Variants in ITGA3 observed in about 807,000 individuals in gnomAD.
ITGA3 encodes integrin subunit alpha 3.
In ITGA3, 70 loss-of-function variants were observed where a neutral mutation model predicts 131.1. The observed-to-expected ratio is 0.53, with a 90% confidence interval of 0.44 to 0.65. The LOEUF is 0.65. Ranked by LOEUF, ITGA3 falls within the 30% of genes least tolerant of loss-of-function variation. The pLI, the probability that ITGA3 is intolerant of heterozygous loss-of-function variation, is 0.00. For synonymous variants in ITGA3, 537 were observed against 571.6 expected, an observed-to-expected ratio of 0.94 and a Z score of 0.86; for missense variants, 1,098 against 1,388.6, an observed-to-expected ratio of 0.79 and a Z score of 3.33.
Position 50,071,317 on chromosome 17 carries a change from C to T in ITGA3, c.758C>T (p.Thr253Met), listed in dbSNP as rs1162392472. The T allele has an allele frequency of 6.8e-6, 11 of 1,613,772 alleles. No homozygotes were observed. The highest frequency in any genetic ancestry group is 1.7e-5 in the Admixed American group (1 of 60,024). ...EDQGNLYIGYTMQVGSFILHP... is the reference protein window; with the variant it reads ...EDQGNLYIGYMMQVGSFILHP... Reference sequence around the variant, plus strand: ...CATCTTCCCTCTATCCCAGGGTACACGATGCAGGTAGGCAGCTTCATCCTG... The same window carrying T: ...CATCTTCCCTCTATCCCAGGGTACATGATGCAGGTAGGCAGCTTCATCCTG... The change falls in exon 6 of 26, where the codon ACG becomes ATG. Residue 253 changes from threonine (T) to methionine (M), a missense_variant. Physicochemically the swap from Thr to Met is moderately conservative, Grantham distance 81. Coordinates refer to ENST00000320031, the MANE Select transcript of ITGA3 (RefSeq NM_002204.4).
At chr17:50,083,462 A>T (rs1262911817) in intron 23 of ITGA3, among the ~76,000 whole-genome samples, 1 of 152,132 alleles carries the variant, frequency 6.6e-6, no homozygotes, top group Non-Finnish European at 1.5e-5. Flanking sequence ...GGTGGCTCAC[A>T]CTTGTAATCC....
intron 15 of ITGA3, 40 bp from the exon 16 acceptor site, chr17:50,077,339 C>T: frequency 1.3e-6 from 2 of 1,580,290 alleles, no homozygotes; most frequent in Non-Finnish European, 1.7e-6. Flanking sequence ...ACAAGCCCTA[C>T]TTTGACCCGA....
At position 50,064,800 on chromosome 17, in the gene ITGA3, C is replaced by G; in HGVS notation, c.414+193C>G. On this transcript the variant is annotated intron_variant, in intron 3 of 25. Transcript: ENST00000320031. The surrounding 1 kb of genome is among the most constrained non-coding windows in gnomAD (Gnocchi z 4.4). Reference sequence around the variant, plus strand: ...GGGGAGGGGGTGAGTATCCTGTGCTCTCCCAAACCCCCGCACGGCCTGAGT... The same window carrying G: ...GGGGAGGGGGTGAGTATCCTGTGCTGTCCCAAACCCCCGCACGGCCTGAGT... The G allele has an allele frequency of 1.8e-6, 1 of 544,782 alleles. No homozygotes were observed. The highest frequency in any genetic ancestry group is 3.2e-6 in the Non-Finnish European group (1 of 308,116). The allele number at this position is 544,782 out of a possible 1,614,324, so 33.7% of individuals were successfully genotyped here.
Position 50,089,249 on chromosome 17 carries a change from G to C in ITGA3, c.*171G>C. 2 of 1,613,268 alleles carry C rather than the reference G, an allele frequency of 1.2e-6. No homozygotes were observed. Among genetic ancestry groups the C allele is most frequent in the Non-Finnish European group, 1.7e-6 (2 of 1,179,858 alleles). On this transcript the variant is annotated 3_prime_UTR_variant, in exon 26 of 26. Transcript: ENST00000320031. Reference sequence around the variant, plus strand: ...CACTGGGTGACCAGCTGGCAGACTCGGGACCAATACTACTGACGTCCTCCC... The same window carrying C: ...CACTGGGTGACCAGCTGGCAGACTCCGGACCAATACTACTGACGTCCTCCC...
chr17:50,081,275 A>G, intron 22 of ITGA3, 35 bp from the exon 23 acceptor site: 1 of 1,379,482 alleles, frequency 7.2e-7, no homozygotes, highest in Non-Finnish European at 1.0e-6. Flanking sequence ...AGAAGTGTCA[A>G]GTGTTCCCCT....
chr17:50,071,734 T>G, intron 6 of ITGA3: 1 of 618,160 alleles, frequency 1.6e-6, no homozygotes, highest in Non-Finnish European at 2.8e-6. Context: ...ATTTGTATGC[T>G]CCAGTGGATG....
rs924110909 is a variant in ITGA3 at position 50,064,291 on chromosome 17, G to C, written c.334+87G>C. The C allele has an allele frequency of 3.9e-5, 58 of 1,475,218 alleles. No individual in the cohort carries two copies. Among genetic ancestry groups the C allele is most frequent in the Non-Finnish European group, 4.7e-5 (51 of 1,088,792 alleles). 91.4% of individuals were successfully genotyped at this position (1,475,218 alleles called of 1,614,324 possible). A position where few individuals can be genotyped will look rare whatever the true frequency, so the allele number is the denominator to read the frequency against. ...GAGAATGGCCTGGAGGAGATAGAAG[G>C]CTTGTTCACACGGCTTCTAGTCGCT... is the stretch of plus-strand genomic sequence containing the variant. On this transcript the variant is annotated intron_variant, in intron 2 of 25. Transcript: ENST00000320031. The surrounding 1 kb of genome is among the most constrained non-coding windows in gnomAD (Gnocchi z 4.4).
chr17:50,070,866 C>T lies in ITGA3; in HGVS notation c.687C>T (p.Arg229=), dbSNP rs61730089. 3,304 of 1,612,014 alleles carry T rather than the reference C, an allele frequency of 2.0e-3. 76 individuals are homozygous for T. In the African/African-American group the frequency reaches 0.039, roughly 19 times the overall value. ...AAGGAAACAGCTACATGATTCAGCG[C>T]AAGGAGTGGGACTTATCTGAGTATA... The part of the protein sequence containing the change: ...NWKGNSYMIQ[R]KEWDLSEYSY... The change falls in exon 5 of 26, where the codon CGC becomes CGT. Residue 229 remains arginine (R), a synonymous_variant. Transcript: ENST00000320031.
At chr17:50,075,406 C>A in intron 10 of ITGA3, 53 bp from the exon 11 acceptor site, 2 of 1,575,658 alleles carry the variant, frequency 1.3e-6, no homozygotes, top group South Asian at 2.2e-5. Flanking sequence ...AGAGCTAGGG[C>A]CTGGACGTGT....
chr17:50,071,723 G>A (rs558385069), intron 6 of ITGA3: 7 of 624,434 alleles, frequency 1.1e-5, no homozygotes, highest in South Asian at 2.0e-5. Context: ...TTCTGCTTGG[G>A]ATTTGTATGC....
At chr17:50,085,844 GATTTATAATGTATATTAGATTATACATTA>G (rs1232760370) in intron 23 of ITGA3, among the ~76,000 whole-genome samples, 13 of 69,970 alleles carry the variant, frequency 1.9e-4, no homozygotes, top group African/African-American at 5.1e-4. Context: ...ATACATTATA[GATTTATAATGTATATTAGATTATACATTA>G]TAGATTTATA....
rs75975416 is a variant in ITGA3 at position 50,089,928 on chromosome 17, C to A, written c.*850C>A. 0.013 allele frequency: 2,563 copies of A among 203,012 alleles called. 79 individuals are homozygous for A. Among genetic ancestry groups the A allele is most frequent in the African/African-American group, 0.055 (2,405 of 43,384 alleles). 12.6% of individuals were successfully genotyped at this position (203,012 alleles called of 1,614,324 possible). A position where few individuals can be genotyped will look rare whatever the true frequency, so the allele number is the denominator to read the frequency against. On this transcript the variant is annotated 3_prime_UTR_variant, in exon 26 of 26. Transcript: ENST00000320031. Reference sequence around the variant, plus strand: ...TCTCCTTGGCCACAGACTGAACTCGCAGGGAATGCAGCAGGAAGGAACAAA... The same window carrying A: ...TCTCCTTGGCCACAGACTGAACTCGAAGGGAATGCAGCAGGAAGGAACAAA...
chr17:50,075,385 G>A (rs1908832502), intron 10 of ITGA3, 74 bp from the exon 11 acceptor site: 2 of 1,501,690 alleles, frequency 1.3e-6, no homozygotes, highest in Middle Eastern at 1.7e-4. Flanking sequence ...CTTTTGCCCA[G>A]TACAGAGGCG....
Position 50,056,363 on chromosome 17 carries a change from G to A in ITGA3, c.-77G>A, listed in dbSNP as rs1907806136. ...TTCCAGTGTCCTCCGGCGGCGCGGG[G>A]AGCAGGTGAACAGGTCCTCACGCCC... On this transcript the variant is annotated 5_prime_UTR_variant, in exon 1 of 26. Transcript: ENST00000320031. The surrounding 1 kb of genome is among the most constrained non-coding windows in gnomAD (Gnocchi z 5.6). 1 of 1,064,266 alleles carries A rather than the reference G, an allele frequency of 9.4e-7. No homozygotes were observed. The highest frequency in any genetic ancestry group is 1.7e-5 in the African/African-American group (1 of 58,952). 65.9% of individuals were successfully genotyped at this position (1,064,266 alleles called of 1,614,324 possible).
In ITGA3 at chr17:50,064,256, G is replaced by T. The variant is rs949683652; in HGVS notation, c.334+52G>T. The stretch of plus-strand genomic sequence containing the variant: ...GCTGGGTCAGAGGTCTGGCAGGGGG[G>T]TACCGCAGAGAGAATGGCCTGGAGG... On this transcript the variant is annotated intron_variant, in intron 2 of 25. Transcript: ENST00000320031. The surrounding 1 kb of genome is among the most constrained non-coding windows in gnomAD (Gnocchi z 4.4). The T allele has an allele frequency of 2.4e-5, 37 of 1,564,188 alleles. No homozygotes were observed. Among genetic ancestry groups the T allele is most frequent in the Non-Finnish European group, 3.1e-5 (36 of 1,156,758 alleles).
At position 50,064,602 on chromosome 17, in the gene ITGA3, G is replaced by A. The variant is rs762187430; in HGVS notation, c.409G>A (p.Val137Ile). ...TVASQGPAGR[V>I]LVCAHRYTQV... ...GGCCAGCCAGGGCCCTGCAGGCAGA[G>A]TTCTGGTAAGTGGGTGCTCAGTGTT... is the stretch of plus-strand genomic sequence containing the variant. The change falls in exon 3 of 26, where the codon GTT becomes ATT. Residue 137 changes from valine (V) to isoleucine (I), a missense_variant. Val to Ile is a conservative substitution (Grantham distance 29). Coordinates refer to ENST00000320031, the MANE Select transcript of ITGA3 (RefSeq NM_002204.4). This position sits in a 1 kb window ranked among gnomAD's most constrained non-coding sequence, Gnocchi z 4.4. The A allele has an allele frequency of 1.7e-5, 28 of 1,611,786 alleles. No individual in the cohort carries two copies. The highest frequency in any genetic ancestry group is 2.3e-5 in the Non-Finnish European group (27 of 1,179,372).
Position 50,056,361 on chromosome 17 carries a change from G to C in ITGA3, c.-79G>C. ...GGTTCCAGTGTCCTCCGGCGGCGCG[G>C]GGAGCAGGTGAACAGGTCCTCACGC... On this transcript the variant is annotated 5_prime_UTR_variant, in exon 1 of 26. Coordinates refer to ENST00000320031, the MANE Select transcript of ITGA3 (RefSeq NM_002204.4). The surrounding 1 kb of genome is among the most constrained non-coding windows in gnomAD (Gnocchi z 5.6). 9.6e-7 allele frequency: 1 copy of C among 1,046,372 alleles called. No individual in the cohort carries two copies. The highest frequency in any genetic ancestry group is 3.1e-5 in the East Asian group (1 of 32,050). 64.8% of individuals were successfully genotyped at this position (1,046,372 alleles called of 1,614,324 possible).
chr17:50,075,462 G>C lies in ITGA3; in HGVS notation c.1473G>C (p.Val491=), dbSNP rs1448003846. The C allele has an allele frequency of 2.5e-6, 4 of 1,614,052 alleles. No homozygotes were observed. The highest frequency in any genetic ancestry group is 3.4e-6 in the Non-Finnish European group (4 of 1,180,022). The change falls in exon 11 of 26, where the codon GTG becomes GTC. Residue 491 remains valine (V), a synonymous_variant. Transcript: ENST00000320031. ...DPALCTATSC[V]QVELCFAYNQ... is the part of the protein sequence containing the mutation. Reference sequence around the variant, plus strand: ...CTCCTGTACATCCCTCCAACAGTGTGCAAGTGGAGCTGTGCTTTGCTTACA... The same window carrying C: ...CTCCTGTACATCCCTCCAACAGTGTCCAAGTGGAGCTGTGCTTTGCTTACA...
intron 20 of ITGA3, 43 bp downstream of exon 20, chr17:50,079,301 C>T (rs1191897518): frequency 6.3e-7 from 1 of 1,594,482 alleles, no homozygotes. Context: ...TGCTACAGGG[C>T]AGAAAGGCCA....
Sources: gnomAD v4.1 joint callset for allele counts (sites outside exome capture counted in the v4.1 genomes callset) on GRCh38, gnomAD v4.1.1 for gene constraint, Gnocchi (gnomAD v3.1) non-coding constraint, MANE v1.5 for transcripts, NCBI Gene and HGNC (gene_info 2026-07-23, HGNC 2026-07-21) for gene names.